The following EFCAB11 variants were observed in gnomAD, a reference collection of about 807,000 sequenced individuals.
EFCAB11 encodes EF-hand calcium binding domain 11.
A neutral mutation model predicts 23.0 loss-of-function variants in EFCAB11; 14 were observed. That is an observed-to-expected ratio of 0.61 (90% CI 0.40 to 0.95). The LOEUF (loss-of-function observed/expected upper bound fraction) is 0.95, where lower values mean the gene tolerates loss of function less well. Ranked by LOEUF, EFCAB11 falls within the 40% of genes least tolerant of loss-of-function variation. The pLI is 0.00. For synonymous variants in EFCAB11, 65 were observed against 66.6 expected, an observed-to-expected ratio of 0.98 and a Z score of 0.11; for missense variants, 198 against 195.8, an observed-to-expected ratio of 1.01 and a Z score of -0.07.
intron 3 of EFCAB11, among the ~76,000 whole-genome samples, chr14:89,941,052 T>C (rs1890774541): frequency 6.6e-6 from 1 of 152,186 alleles, no homozygotes; most frequent in South Asian, 2.1e-4. Flanking sequence ...GCAACAGCCT[T>C]ACAAAATTCA....
chr14:89,911,102 G>GTTGTTTTAAAATA (rs1264979593), intron 5 of EFCAB11, among the ~76,000 whole-genome samples: 15 of 152,318 alleles, frequency 9.8e-5, no homozygotes, highest in Admixed American at 6.5e-5. Context: ...ACAACTTTTA[G>GTTGTTTTAAAATA]CAGTATTTTA....
In EFCAB11 at chr14:89,858,903, G is replaced by A. The variant is rs7142024; in HGVS notation, c.411-61579C>T. On this transcript the variant is annotated intron_variant, in intron 5 of 5. Coordinates refer to ENST00000316738, the MANE Select transcript of EFCAB11 (RefSeq NM_145231.4). ...TAAGAGTGGGTGGTGTGGCAACACC[G>A]AAGTTCACACTAGTTCTCCTTTATT... 6.2e-3 allele frequency among the ~76,000 whole-genome samples: 938 copies of A among 152,114 alleles called. 12 individuals are homozygous for A. Among genetic ancestry groups the A allele is most frequent in the African/African-American group, 0.022 (894 of 41,498 alleles).
At chr14:89,921,523 T>G (rs1007395951) in intron 5 of EFCAB11, among the ~76,000 whole-genome samples, 3 of 152,242 alleles carry the variant, frequency 2.0e-5, no homozygotes, top group African/African-American at 7.2e-5. Context: ...CATGTCTGAC[T>G]CAGTACCTTT....
chr14:89,814,599 G>A (rs1366691137), intron 5 of EFCAB11, among the ~76,000 whole-genome samples: 1 of 152,074 alleles, frequency 6.6e-6, no homozygotes, highest in East Asian at 1.9e-4. Context: ...AGCTACTCGG[G>A]AGGCTGAGGC....
intron 5 of EFCAB11, among the ~76,000 whole-genome samples, chr14:89,836,035 T>G (rs969007944): frequency 1.3e-5 from 2 of 151,982 alleles, no homozygotes; most frequent in Admixed American, 6.6e-5. Flanking sequence ...GAGTGACGGA[T>G]AAACAAGGGT....
intron 5 of EFCAB11, among the ~76,000 whole-genome samples, chr14:89,869,315 T>C (rs1888194608): frequency 6.6e-6 from 1 of 152,232 alleles, no homozygotes; most frequent in Non-Finnish European, 1.5e-5. Flanking sequence ...GTATCAGTGA[T>C]ATAGTTTTGC....
At chr14:89,908,703 T>G (rs1255304102) in intron 5 of EFCAB11, among the ~76,000 whole-genome samples, 1 of 152,230 alleles carries the variant, frequency 6.6e-6, no homozygotes, top group Admixed American at 6.5e-5. Flanking sequence ...CTGGTTCTCC[T>G]CACCTTACCT....
At position 89,954,696 on chromosome 14, in the gene EFCAB11, A is replaced by G; in HGVS notation, c.-36T>C. ...ACAACCGAGCCCCAGCAACCCAACC[A>G]GCTACCACCGCTTTCCCAGCCTGGC... is the stretch of plus-strand genomic sequence containing the variant. On this transcript the variant is annotated 5_prime_UTR_variant, in exon 1 of 6. Transcript: ENST00000316738. 14 of 1,599,038 alleles carry G rather than the reference A, an allele frequency of 8.8e-6. No homozygotes were observed. Among genetic ancestry groups the G allele is most frequent in the Non-Finnish European group, 1.0e-5 (12 of 1,175,202 alleles).
Position 89,954,650 on chromosome 14 carries a change from GAGA to G in EFCAB11, c.8_10del (p.Phe3del), listed in dbSNP as rs772005231. ...CGTCCGCGACCTGGCTCTGGCCTCG[GAGA>G]AGAACATCGCGACTACAACAACCGA... On this transcript the variant is annotated inframe_deletion, in exon 1 of 6. Coordinates refer to ENST00000316738, the MANE Select transcript of EFCAB11 (RefSeq NM_145231.4). The G allele has an allele frequency of 2.8e-5, 45 of 1,612,334 alleles. No individual in the cohort carries two copies. The highest frequency in any genetic ancestry group is 1.2e-4 in the African/African-American group (9 of 74,894).
At chr14:89,822,365 T>G (rs1886550947) in intron 5 of EFCAB11, among the ~76,000 whole-genome samples, 1 of 152,212 alleles carries the variant, frequency 6.6e-6, no homozygotes, top group Non-Finnish European at 1.5e-5. Flanking sequence ...CTTGTTTTCT[T>G]CCCCTGGCAG....
chr14:89,893,574 C>G (rs1164648560), intron 5 of EFCAB11, among the ~76,000 whole-genome samples: 1 of 150,494 alleles, frequency 6.6e-6, no homozygotes, highest in Non-Finnish European at 1.5e-5. Context: ...TCCTGGGGGG[C>G]CTTAAAGGCC....
chr14:89,842,602 G>A (rs200753871), intron 5 of EFCAB11, among the ~76,000 whole-genome samples: 8 of 25,676 alleles, frequency 3.1e-4, no homozygotes, highest in Non-Finnish European at 5.4e-4. Context: ...GATATAATAT[G>A]ATATGATATG....
chr14:89,915,764 A>G (rs1596451570), intron 5 of EFCAB11, among the ~76,000 whole-genome samples: 1 of 152,254 alleles, frequency 6.6e-6, no homozygotes, highest in East Asian at 1.9e-4. Flanking sequence ...TGAGAACTAC[A>G]ATGAAAATTA....
At chr14:89,946,409 T>C (rs1463732253) in intron 3 of EFCAB11, among the ~76,000 whole-genome samples, 3 of 152,190 alleles carry the variant, frequency 2.0e-5, no homozygotes, top group Non-Finnish European at 4.4e-5. Flanking sequence ...ACAGAGTTAG[T>C]TGGTACTCTT....
chr14:89,932,571 A>G lies in EFCAB11; in HGVS notation c.274T>C (p.Tyr92His), dbSNP rs780493243. The stretch of plus-strand genomic sequence containing the variant: ...AAGATGTGTCTTACTTCGTTCCGAT[A>G]TCGTTGAGCTTCCTTCTTTTTCCTG... The part of the protein sequence containing the change: ...IVRKKKEAQR[Y>H]RNEVRHIFTA... The change falls in exon 4 of 6, where the codon TAT becomes CAT. Residue 92 changes from tyrosine to histidine, a missense_variant. Transcript: ENST00000316738. The G allele has an allele frequency of 1.2e-6, 2 of 1,613,904 alleles. No individual in the cohort carries two copies. The highest frequency in any genetic ancestry group is 2.2e-5 in the South Asian group (2 of 91,072).
At chr14:89,810,220 G>C (rs918070312) in intron 5 of EFCAB11, among the ~76,000 whole-genome samples, 7 of 152,196 alleles carry the variant, frequency 4.6e-5, no homozygotes, top group Admixed American at 3.9e-4. Flanking sequence ...GAACATACGA[G>C]CATGTGAGTG....
At chr14:89,866,362 C>A (rs568417886) in intron 5 of EFCAB11, among the ~76,000 whole-genome samples, 1 of 152,346 alleles carries the variant, frequency 6.6e-6, no homozygotes, top group East Asian at 1.9e-4. Flanking sequence ...ACAGTAGAAG[C>A]TGTTGCTCCC....
intron 5 of EFCAB11, among the ~76,000 whole-genome samples, chr14:89,888,593 T>C (rs542552296): frequency 2.6e-5 from 4 of 152,082 alleles, no homozygotes; most frequent in African/African-American, 9.7e-5. Context: ...GAGGGATCTG[T>C]CCCCATGATC....
chr14:89,949,970 C>T, intron 3 of EFCAB11, 127 bp downstream of exon 3: 1 of 1,021,008 alleles, frequency 9.8e-7, no homozygotes, highest in Non-Finnish European at 1.4e-6. Context: ...CCCCATGATT[C>T]AGTTACCTTC....
Sources: gnomAD v4.1 joint callset for allele counts (sites outside exome capture counted in the v4.1 genomes callset) on GRCh38, gnomAD v4.1.1 for gene constraint, MANE v1.5 for transcripts, NCBI Gene and HGNC (gene_info 2026-07-23, HGNC 2026-07-21) for gene names.